Variants in NUP62 observed in about 807,000 individuals in gnomAD.
The protein encoded by NUP62 is nuclear pore glycoprotein p62.
For missense variants in NUP62, 647 were observed against 689.4 expected, an observed-to-expected ratio of 0.94 and a Z score of 0.69; for synonymous variants, 305 against 303.4, an observed-to-expected ratio of 1.01 and a Z score of -0.05.
At position 49,907,533 on chromosome 19, in the gene NUP62, G is replaced by A. The variant is rs1288964838; in HGVS notation, c.*706C>T. 1 of 404,290 alleles carries A rather than the reference G, an allele frequency of 2.5e-6. No individual in the cohort carries two copies. The highest frequency in any genetic ancestry group is 3.4e-5 in the Admixed American group (1 of 29,690). The allele number at this position is 404,290 out of a possible 1,614,324, so 25.0% of individuals were successfully genotyped here. On this transcript the variant is annotated 3_prime_UTR_variant, in exon 3 of 3. Transcript: ENST00000352066. The stretch of plus-strand genomic sequence containing the variant: ...AAAACTAGGCTGCTGTCTCCTGGGA[G>A]TTTCTTTTTTTTTTTTTTTTTTTTT...
At chr19:49,922,171 T>A (rs779650492) in intron 2 of NUP62, among the ~76,000 whole-genome samples, 2 of 152,190 alleles carry the variant, frequency 1.3e-5, no homozygotes, top group African/African-American at 2.4e-5. Context: ...CTAGGTCAAA[T>A]AGATGCGAGT....
At chr19:49,918,078 CTTTTTT>C (rs559266842) in intron 2 of NUP62, among the ~76,000 whole-genome samples, 66 of 132,658 alleles carry the variant, frequency 5.0e-4, no homozygotes, top group African/African-American at 1.8e-3. Context: ...TTTCCTTTTT[CTTTTTT>C]TTTTTTTGAG....
Position 49,929,365 on chromosome 19 carries a change from G to A in NUP62, c.-239C>T, listed in dbSNP as rs11083991. 169 of 154,372 alleles carry A rather than the reference G, an allele frequency of 1.1e-3. 1 individual carries two copies. Among genetic ancestry groups the A allele is most frequent in the African/African-American group, 3.9e-3 (161 of 41,576 alleles). 9.6% of individuals were successfully genotyped at this position (154,372 alleles called of 1,614,324 possible). ...CCGCTCCCACCTTCTTTCTTCAGCC[G>A]AGGCCGCCGCCGCCTCTCCTTGCTG... On this transcript the variant is annotated 5_prime_UTR_variant, in exon 1 of 3. Coordinates refer to ENST00000352066, the MANE Select transcript of NUP62 (RefSeq NM_016553.5).
intron 2 of NUP62, among the ~76,000 whole-genome samples, chr19:49,914,220 G>A (rs773698012): frequency 2.0e-5 from 3 of 152,166 alleles, no homozygotes; most frequent in Admixed American, 1.3e-4. Flanking sequence ...AAACTATTAC[G>A]AGCTCTGATC....
At chr19:49,926,295 C>T (rs2075887247) in intron 2 of NUP62, among the ~76,000 whole-genome samples, 1 of 150,858 alleles carries the variant, frequency 6.6e-6, no homozygotes, top group South Asian at 2.1e-4. Flanking sequence ...TTTGGGAGGC[C>T]GAGGTGGGTG....
chr19:49,928,770 G>GGAT (rs2075978577), intron 1 of NUP62: 1 of 152,308 alleles, frequency 6.6e-6, no homozygotes, highest in Non-Finnish European at 1.5e-5. Context: ...AGCAGCTGGG[G>GGAT]GATGAAGAAG....
At chr19:49,913,301 A>G (rs2075527162) in intron 2 of NUP62, 1 of 152,254 alleles carries the variant, frequency 6.6e-6, no homozygotes. Context: ...CAAAGAGAGA[A>G]AATGGCCCTT....
chr19:49,914,726 G>GTTTTGTTTTTTTTTTT (rs2075575701), intron 2 of NUP62, among the ~76,000 whole-genome samples: 1 of 56,362 alleles, frequency 1.8e-5, no homozygotes. Context: ...CCAAGTCCCA[G>GTTTTGTTTTTTTTTTT]TTTTTTTTTT....
intron 2 of NUP62, among the ~76,000 whole-genome samples, chr19:49,916,393 G>A (rs1282276873): frequency 3.5e-5 from 5 of 144,400 alleles, no homozygotes; most frequent in East Asian, 4.1e-4. Context: ...TCGCTCTGTC[G>A]CCCAGGCTGG....
At position 49,921,472 on chromosome 19, in the gene NUP62, C is replaced by T. The variant is rs1030600975; in HGVS notation, c.-78+6222G>A. 6.6e-6 allele frequency among the ~76,000 whole-genome samples: 1 copy of T among 152,210 alleles called. No homozygotes were observed. Among genetic ancestry groups the T allele is most frequent in the Non-Finnish European group, 1.5e-5 (1 of 68,040 alleles). On this transcript the variant is annotated intron_variant, in intron 2 of 2. Coordinates refer to ENST00000352066, the MANE Select transcript of NUP62 (RefSeq NM_016553.5). This position sits in a 1 kb window ranked among gnomAD's most constrained non-coding sequence, Gnocchi z 5.4. ...CTGGGCTTCACTCTCAAATCCAATTCAGGATGATCCGCCCGCCCCAGCTGC... is the reference window on the plus strand; with the variant it reads ...CTGGGCTTCACTCTCAAATCCAATTTAGGATGATCCGCCCGCCCCAGCTGC...
intron 2 of NUP62, among the ~76,000 whole-genome samples, chr19:49,912,599 C>G (rs1272458563): frequency 6.6e-6 from 1 of 152,184 alleles, no homozygotes; most frequent in Non-Finnish European, 1.5e-5. Flanking sequence ...TGAGGTGGCT[C>G]ACGCCTGTAA....
At chr19:49,925,894 T>C (rs2075874678) in intron 2 of NUP62, among the ~76,000 whole-genome samples, 1 of 152,152 alleles carries the variant, frequency 6.6e-6, no homozygotes, top group African/African-American at 2.4e-5. Context: ...TCTACAATTA[T>C]TCCAAAATAA....
intron 2 of NUP62, among the ~76,000 whole-genome samples, chr19:49,916,800 C>T (rs1158354002): frequency 2.0e-5 from 3 of 152,128 alleles, no homozygotes; most frequent in South Asian, 2.1e-4. Context: ...GGCATGGTGG[C>T]GTGTGCCTGT....
chr19:49,912,675 C>A (rs1440344803), intron 2 of NUP62, among the ~76,000 whole-genome samples: 3 of 151,998 alleles, frequency 2.0e-5, no homozygotes, highest in African/African-American at 7.2e-5. Context: ...AACAGCCTGG[C>A]CAACATAGCG....
chr19:49,913,820 C>T (rs1312886817), intron 2 of NUP62, among the ~76,000 whole-genome samples: 1 of 152,140 alleles, frequency 6.6e-6, no homozygotes, highest in Non-Finnish European at 1.5e-5. Flanking sequence ...GAGAATCTGG[C>T]AGACCCATAC....
chr19:49,909,135 T>C lies in NUP62; in HGVS notation c.673A>G (p.Ile225Val), dbSNP rs79733076. ...GCAGATGAGGTTGGAGCAGTTGCTATTGACGCAAAGAGGCTGGGCCCAGTG... is the reference window on the plus strand; with the variant it reads ...GCAGATGAGGTTGGAGCAGTTGCTACTGACGCAAAGAGGCTGGGCCCAGTG... ...TSTGPSLFAS[I>V]ATAPTSSATT... is the part of the protein sequence containing the mutation. The change falls in exon 3 of 3, where the codon ATA becomes GTA. Residue 225 changes from isoleucine (I) to valine (V), a missense_variant. Physicochemically the swap from Ile to Val is conservative, Grantham distance 29. Coordinates refer to ENST00000352066, the MANE Select transcript of NUP62 (RefSeq NM_016553.5). 4.6e-5 allele frequency: 74 copies of C among 1,612,700 alleles called. No individual in the cohort carries two copies. In the African/African-American group the frequency reaches 8.9e-4, roughly 19 times the overall value.
At chr19:49,928,482 A>G (rs1368630146) in intron 1 of NUP62, 1 of 149,874 alleles carries the variant, frequency 6.7e-6, no homozygotes, top group East Asian at 2.0e-4. Flanking sequence ...GCGCCACTGC[A>G]CTCCAGCCTG....
rs1210038077 is a variant in NUP62 at position 49,908,344 on chromosome 19, G to T, written c.1464C>A (p.Ile488=). ...LNAHMDSLQW[I]DQNSALLQRK... ...TCTGCAGCAGGGCCGAGTTCTGGTC[G>T]ATCCACTGCAGTGAGTCCATGTGCG... The change falls in exon 3 of 3, where the codon ATC becomes ATA. Residue 488 remains isoleucine, a synonymous_variant. Transcript: ENST00000352066. The T allele has an allele frequency of 3.7e-6, 6 of 1,614,090 alleles. No individual in the cohort carries two copies. The highest frequency in any genetic ancestry group is 5.1e-6 in the Non-Finnish European group (6 of 1,180,010).
intron 2 of NUP62, among the ~76,000 whole-genome samples, chr19:49,910,825 C>T (rs1321025448): frequency 6.6e-6 from 1 of 152,190 alleles, no homozygotes; most frequent in Non-Finnish European, 1.5e-5. Flanking sequence ...ACTGAAAAAT[C>T]TCCCAGTGGT....
Sources: allele counts gnomAD v4.1 joint callset (sites outside exome capture counted in the v4.1 genomes callset), GRCh38; gene constraint gnomAD v4.1.1; non-coding constraint Gnocchi (gnomAD v3.1); transcripts MANE v1.5; gene names NCBI Gene and HGNC (gene_info 2026-07-23, HGNC 2026-07-21).